PFKFB3: variants seen among roughly 807,000 people sequenced by gnomAD.
PFKFB3 encodes the protein 6-phosphofructo-2-kinase/fructose-2,6-bisphosphatase 3.
In PFKFB3, 33 loss-of-function variants were observed where a neutral mutation model predicts 68.0. That is an observed-to-expected ratio of 0.49 (90% CI 0.37 to 0.65). The LOEUF is 0.65. Among genes scored for constraint, PFKFB3 ranks in the 30% least tolerant of loss-of-function variants. The pLI is 0.00. For synonymous variants in PFKFB3, 315 were observed against 288.2 expected (o/e 1.09, Z -0.94); for missense variants, 586 against 712.2 (o/e 0.82, Z 2.02).
At position 6,215,760 on chromosome 10, in the gene PFKFB3, A is replaced by G. The variant is rs2765826; in HGVS notation, c.300-365A>G. On this transcript the variant is annotated intron_variant, in intron 3 of 14. Transcript: ENST00000379775. The surrounding 1 kb of genome is among the most constrained non-coding windows in gnomAD (Gnocchi z 4.3). ...GTGAAACCCTAGTGCAAGGGTGTTC[A>G]GCCCCGGCTGTATGCTGGAGTCTCC... Among the ~76,000 whole-genome samples, 50,526 of 152,144 alleles carry G rather than the reference A, an allele frequency of 0.33. 8,555 individuals are homozygous for G. The highest frequency in any genetic ancestry group is 0.47 in the East Asian group (2,430 of 5,166).
chr10:6,164,317 C>G (rs527806411), intron 1 of PFKFB3, among the ~76,000 whole-genome samples: 1 of 152,272 alleles, frequency 6.6e-6, no homozygotes, highest in South Asian at 2.1e-4. Context: ...TGGCTCCATC[C>G]GAATCTTCAT....
exon 15 of PFKFB3, chr10:6,254,501 A>T (rs1224783064): frequency 1.3e-5 from 5 of 397,210 alleles, no homozygotes; most frequent in Non-Finnish European, 2.2e-5. Flanking sequence ...CCAATGGATG[A>T]TGGGTAGTTT....
chr10:6,302,425 A>G, the PFKFB3 span, among the ~76,000 whole-genome samples: 1 of 115,360 alleles, frequency 8.7e-6, no homozygotes, highest in African/African-American at 3.6e-5. Context: ...TCTGTTGCCC[A>G]GGCTGGAGTG....
At chr10:6,208,899 G>T (rs1026655188) in intron 1 of PFKFB3, among the ~76,000 whole-genome samples, 2 of 152,128 alleles carry the variant, frequency 1.3e-5, no homozygotes, top group African/African-American at 4.8e-5. Context: ...TTTTCTTTTG[G>T]CTTCCTGTGT....
At position 6,156,695 on chromosome 10, in the gene PFKFB3, C is replaced by T. The variant is rs181938350; in HGVS notation, c.16+11682C>T. ...TAGAGATGGGGTTTCGCCATGTTGG[C>T]CAGGCTGGTCTCGAATCCCTGACCT... On this transcript the variant is annotated intron_variant, in intron 1 of 14. Transcript: ENST00000379789. Among the ~76,000 whole-genome samples the T allele has an allele frequency of 5.1e-3, 758 of 149,750 alleles. 6 individuals are homozygous for T. The highest frequency in any genetic ancestry group is 0.017 in the African/African-American group (680 of 40,698).
chr10:6,267,837 C>G, the PFKFB3 span, among the ~76,000 whole-genome samples: 1 of 151,186 alleles, frequency 6.6e-6, no homozygotes, highest in African/African-American at 2.4e-5. Context: ...CGCCTGTAGT[C>G]CCAGCTACTC....
At chr10:6,236,322 G>A (rs1348233641), downstream of PFKFB3, among the ~76,000 whole-genome samples, 4 of 152,244 alleles carry the variant, frequency 2.6e-5, no homozygotes, top group Non-Finnish European at 5.9e-5. Flanking sequence ...CTCTGCAGAT[G>A]GGGCAGGGTT....
chr10:6,180,636 T>C (rs772934643), intron 1 of PFKFB3, among the ~76,000 whole-genome samples: 17 of 152,124 alleles, frequency 1.1e-4, no homozygotes, highest in Non-Finnish European at 1.8e-4. Flanking sequence ...GGCTAATCTT[T>C]AAATTTTTTG....
At chr10:6,237,905 G>C (rs536126858), downstream of PFKFB3, among the ~76,000 whole-genome samples, 1 of 151,700 alleles carries the variant, frequency 6.6e-6, no homozygotes, top group Non-Finnish European at 1.5e-5. Context: ...CTCATATTTT[G>C]CAAGACAACA....
At chr10:6,194,380 C>T (rs1359955186) in intron 1 of PFKFB3, among the ~76,000 whole-genome samples, 1 of 152,232 alleles carries the variant, frequency 6.6e-6, no homozygotes, top group African/African-American at 2.4e-5. Context: ...GTGAATTGCA[C>T]AGACTTTTGA....
At chr10:6,304,004 A>T in the PFKFB3 span, among the ~76,000 whole-genome samples, 1 of 152,060 alleles carries the variant, frequency 6.6e-6, no homozygotes, top group Non-Finnish European at 1.5e-5. Flanking sequence ...GAGACACAAG[A>T]TGAAAGGATC....
chr10:6,305,406 C>T, the PFKFB3 span, among the ~76,000 whole-genome samples: 1 of 151,780 alleles, frequency 6.6e-6, no homozygotes, highest in Non-Finnish European at 1.5e-5. Context: ...GCCTTGAACT[C>T]CTGAGCTCAA....
intron 6 of PFKFB3, among the ~76,000 whole-genome samples, chr10:6,217,520 C>G (rs1025183325): frequency 6.6e-6 from 1 of 150,818 alleles, no homozygotes; most frequent in Non-Finnish European, 1.5e-5. Flanking sequence ...GGGCCGCTCA[C>G]TGCCCCTAAT....
chr10:6,292,741 C>T, the PFKFB3 span, among the ~76,000 whole-genome samples: 2 of 152,066 alleles, frequency 1.3e-5, no homozygotes, highest in African/African-American at 2.4e-5. Flanking sequence ...AACAGCACTT[C>T]TCATGGCCTA....
the PFKFB3 span, among the ~76,000 whole-genome samples, chr10:6,271,654 C>G: frequency 3.3e-5 from 5 of 152,162 alleles, no homozygotes; most frequent in African/African-American, 1.2e-4. Flanking sequence ...GAGTCTCTAA[C>G]TAAGGTTGTG....
chr10:6,145,595 G>A (rs930652788), intron 1 of PFKFB3, among the ~76,000 whole-genome samples: 1 of 152,188 alleles, frequency 6.6e-6, no homozygotes, highest in Admixed American at 6.5e-5. Context: ...CGGGAGGTGG[G>A]CAGCTCTGGC....
chr10:6,152,705 T>C (rs1165904744), intron 1 of PFKFB3, among the ~76,000 whole-genome samples: 1 of 150,652 alleles, frequency 6.6e-6, no homozygotes, highest in African/African-American at 2.4e-5. Flanking sequence ...AGTGAGATCC[T>C]GTCCCTACAA....
At chr10:6,288,915 A>G in the PFKFB3 span, among the ~76,000 whole-genome samples, 1 of 151,660 alleles carries the variant, frequency 6.6e-6, no homozygotes, top group Non-Finnish European at 1.5e-5. Flanking sequence ...GTGAGATGGT[A>G]TCTCACTGTG....
At position 6,229,257 on chromosome 10, in the gene PFKFB3, T is replaced by C. The variant is rs988193192; in HGVS notation, c.1515+2892T>C. On this transcript the variant is annotated intron_variant, in intron 14 of 14. Transcript: ENST00000379775. The surrounding 1 kb of genome is among the most constrained non-coding windows in gnomAD (Gnocchi z 4.3). Reference sequence around the variant, plus strand: ...TGTACCAGTGTCCTCCATGTCCACGTTCCTTAAGACCACCCTGGGAGGTCG... The same window carrying C: ...TGTACCAGTGTCCTCCATGTCCACGCTCCTTAAGACCACCCTGGGAGGTCG... The C allele has an allele frequency of 2.2e-6, 1 of 465,016 alleles. No homozygotes were observed. Among genetic ancestry groups the C allele is most frequent in the Non-Finnish European group, 4.5e-6 (1 of 222,718 alleles). 28.8% of individuals were successfully genotyped at this position (465,016 alleles called of 1,614,324 possible).
Sources: allele counts gnomAD v4.1 joint callset (sites outside exome capture counted in the v4.1 genomes callset), GRCh38; gene constraint gnomAD v4.1.1; non-coding constraint Gnocchi (gnomAD v3.1); transcripts MANE v1.5; gene names NCBI Gene and HGNC (gene_info 2026-07-23, HGNC 2026-07-21).